Variants in MSL2 observed in about 807,000 individuals in gnomAD.
The protein encoded by MSL2 is MSL complex subunit 2.
A neutral mutation model predicts 35.8 loss-of-function variants in MSL2; 2 were observed. That is an observed-to-expected ratio of 0.06 (90% CI 0.02 to 0.18). The LOEUF is 0.18. MSL2 is among the 10% of genes least tolerant of loss of function. MSL2 has a pLI of 1.00. For missense variants in MSL2, 523 were observed against 706.7 expected (o/e 0.74, Z 2.95); for synonymous variants, 296 against 255.7 (o/e 1.16, Z -1.50).
At chr3:136,190,545 A>T (rs76685410) in intron 1 of MSL2, among the ~76,000 whole-genome samples, 1 of 151,046 alleles carries the variant, frequency 6.6e-6, no homozygotes, top group Non-Finnish European at 1.5e-5. Context: ...ATTGTCTCAA[A>T]AAAAAAAAAA....
intron 1 of MSL2, among the ~76,000 whole-genome samples, chr3:136,186,969 T>C (rs1328331879): frequency 6.6e-6 from 1 of 152,142 alleles, no homozygotes; most frequent in Non-Finnish European, 1.5e-5. Context: ...TGTTATACTG[T>C]AATGCTTAGA....
rs563047729 is a variant in MSL2 at position 136,170,353 on chromosome 3, C to CAAAAAAAAA, written c.143-17624_143-17616dup. On this transcript the variant is annotated intron_variant, in intron 1 of 1. Coordinates refer to ENST00000309993, the MANE Select transcript of MSL2 (RefSeq NM_018133.4). ...GGGAGACAAGAGCAAAAATCCCTCT[C>CAAAAAAAAA]AAAAAAAAAAAACCATTGTTAACTA... Among the ~76,000 whole-genome samples, 205 of 125,858 alleles carry CAAAAAAAAA rather than the reference C, an allele frequency of 1.6e-3. 5 individuals are homozygous for CAAAAAAAAA. Among genetic ancestry groups the CAAAAAAAAA allele is most frequent in the East Asian group, 5.6e-3 (25 of 4,444 alleles). 82.6% of individuals were successfully genotyped at this position (125,858 alleles called of 152,430 possible). A position where few individuals can be genotyped will look rare whatever the true frequency, so the allele number is the denominator to read the frequency against.
At chr3:136,157,695 G>T (rs1452831738) in intron 1 of MSL2, among the ~76,000 whole-genome samples, 1 of 152,078 alleles carries the variant, frequency 6.6e-6, no homozygotes, top group Non-Finnish European at 1.5e-5. Flanking sequence ...AAAATGTGAA[G>T]AATTAAGGAA....
Sources: allele counts gnomAD v4.1 joint callset (sites outside exome capture counted in the v4.1 genomes callset), GRCh38; gene constraint gnomAD v4.1.1; transcripts MANE v1.5; gene names NCBI Gene and HGNC (gene_info 2026-07-23, HGNC 2026-07-21).